The following CLIP1 variants were observed in gnomAD, a reference collection of about 807,000 sequenced individuals.
CLIP1 encodes the protein CAP-Gly domain containing linker protein 1.
Under a neutral mutation model 161.6 loss-of-function variants are expected in CLIP1, and 66 were observed. The ratio of observed to expected loss-of-function variants is 0.41; its 90% confidence interval spans 0.33 to 0.50. CLIP1 has a LOEUF of 0.50. CLIP1 is among the 20% of genes least tolerant of loss of function. The pLI is 0.27. For missense variants in CLIP1, 1,376 were observed against 1,702.0 expected, an observed-to-expected ratio of 0.81 and a Z score of 3.37; for synonymous variants, 598 against 626.2, an observed-to-expected ratio of 0.96 and a Z score of 0.67.
chr12:122,388,607 CA>C (rs1955438157), intron 1 of CLIP1, among the ~76,000 whole-genome samples: 1 of 152,174 alleles, frequency 6.6e-6, no homozygotes, highest in East Asian at 1.9e-4. Context: ...CTTGTTTTAT[CA>C]CCCAGATTAG....
intron 1 of CLIP1, among the ~76,000 whole-genome samples, chr12:122,419,220 C>CATT (rs1045363283): frequency 6.6e-6 from 1 of 151,390 alleles, no homozygotes; most frequent in African/African-American, 2.4e-5. Context: ...AAAATACAAA[C>CATT]ATTAGCCAGG....
chr12:122,417,664 C>T (rs1353584296), intron 1 of CLIP1, among the ~76,000 whole-genome samples: 1 of 151,878 alleles, frequency 6.6e-6, no homozygotes, highest in Non-Finnish European at 1.5e-5. Flanking sequence ...AGGCACCCGC[C>T]ACCAAGCCTG....
At chr12:122,350,497 T>C (rs1166446267) in intron 9 of CLIP1, among the ~76,000 whole-genome samples, 2 of 152,156 alleles carry the variant, frequency 1.3e-5, no homozygotes. Flanking sequence ...AACATGCTAT[T>C]GTCTTCATTG....
chr12:122,294,437 G>T (rs1950390378), intron 20 of CLIP1, among the ~76,000 whole-genome samples: 1 of 151,508 alleles, frequency 6.6e-6, no homozygotes, highest in African/African-American at 2.4e-5. Flanking sequence ...ATAACAACAT[G>T]GATAGACCTC....
At chr12:122,288,676 A>C in intron 20 of CLIP1, 135 bp from the exon 21 acceptor site, 1 of 667,886 alleles carries the variant, frequency 1.5e-6, no homozygotes, top group Non-Finnish European at 2.6e-6. Context: ...GAAGAGGGAC[A>C]AGTGGTCACT....
At chr12:122,315,038 C>T (rs970835140) in intron 19 of CLIP1, among the ~76,000 whole-genome samples, 1 of 152,140 alleles carries the variant, frequency 6.6e-6, no homozygotes, top group African/African-American at 2.4e-5. Context: ...AGAAAATCAC[C>T]GACATCACAA....
intron 17 of CLIP1, among the ~76,000 whole-genome samples, chr12:122,321,538 A>T (rs1461096714): frequency 1.4e-5 from 2 of 148,046 alleles, no homozygotes; most frequent in Non-Finnish European, 3.0e-5. Flanking sequence ...CTTTTTTTTT[A>T]GATGGGGTCT....
chr12:122,376,242 T>G (rs1215805370), intron 3 of CLIP1, among the ~76,000 whole-genome samples: 1 of 152,038 alleles, frequency 6.6e-6, no homozygotes, highest in Non-Finnish European at 1.5e-5. Context: ...CGGCCAATTA[T>G]TTTATTTTTT....
chr12:122,368,954 CA>C (rs1347247919), intron 3 of CLIP1, among the ~76,000 whole-genome samples: 1 of 150,226 alleles, frequency 6.7e-6, no homozygotes, highest in African/African-American at 2.4e-5. Context: ...TTGCCAAATA[CA>C]AATGTAAGCC....
At chr12:122,320,265 CAAA>C (rs111643965) in intron 17 of CLIP1, among the ~76,000 whole-genome samples, 1 of 94,582 alleles carries the variant, frequency 1.1e-5, no homozygotes, top group Admixed American at 1.2e-4. Flanking sequence ...GACTCCGTCT[CAAA>C]AAAAAAAAAA....
intron 5 of CLIP1, among the ~76,000 whole-genome samples, chr12:122,359,774 C>A (rs74413105): frequency 6.6e-6 from 1 of 152,124 alleles, no homozygotes. Context: ...GAGCAGGCAC[C>A]GTGAGATCCT....
At chr12:122,283,860 G>A (rs1204519507) in intron 21 of CLIP1, among the ~76,000 whole-genome samples, 2 of 152,130 alleles carry the variant, frequency 1.3e-5, no homozygotes, top group African/African-American at 2.4e-5. Flanking sequence ...AACTATGTAC[G>A]TTTAATGATC....
chr12:122,277,278 T>C (rs978351286), intron 24 of CLIP1: 2 of 151,920 alleles, frequency 1.3e-5, no homozygotes, highest in Non-Finnish European at 2.9e-5. Flanking sequence ...AAAACTTTTT[T>C]TTAATTAAGT....
intron 1 of CLIP1, among the ~76,000 whole-genome samples, chr12:122,404,175 T>TG: frequency 6.6e-6 from 1 of 152,282 alleles, no homozygotes; most frequent in South Asian, 2.1e-4. Flanking sequence ...AAACACAGTT[T>TG]GGGGCGCAGG....
intron 1 of CLIP1, among the ~76,000 whole-genome samples, chr12:122,392,460 AAGAG>A (rs1463060971): frequency 2.0e-5 from 3 of 152,178 alleles, no homozygotes; most frequent in African/African-American, 7.2e-5. Flanking sequence ...CTTGTGGTAG[AAGAG>A]AGTGAGTGAG....
intron 1 of CLIP1, among the ~76,000 whole-genome samples, chr12:122,407,679 GTT>G (rs57963280): frequency 0.57 from 72,851 of 128,838 alleles, 21,165 homozygotes; most frequent in Non-Finnish European, 0.65. Context: ...GCCTGGATGA[GTT>G]TTTTTTTTTT....
chr12:122,390,172 G>GATATATACATAT (rs373020994), intron 1 of CLIP1, among the ~76,000 whole-genome samples: 2 of 93,536 alleles, frequency 2.1e-5, no homozygotes, highest in Non-Finnish European at 4.3e-5. Context: ...CACAGTCTCA[G>GATATATACATAT]ATATATATAT....
rs1950338943 is a variant in CLIP1, at chr12:122,293,517, T to C, written c.3595-4976A>G. Among the ~76,000 whole-genome samples, 4 of 152,142 alleles carry C rather than the reference T, an allele frequency of 2.6e-5. No homozygotes were observed. In the South Asian group the frequency reaches 6.2e-4, roughly 24 times the overall value. Reference sequence around the variant, plus strand: ...TTTTGAGACGGAGTTTCGCTCTTGTTGCCCACGCTGGATTGCAATGGCGCA... The same window carrying C: ...TTTTGAGACGGAGTTTCGCTCTTGTCGCCCACGCTGGATTGCAATGGCGCA... On this transcript the variant is annotated intron_variant, in intron 20 of 25. Transcript: ENST00000620786.
At chr12:122,420,461 T>C (rs2137249651) in intron 1 of CLIP1, among the ~76,000 whole-genome samples, 1 of 151,820 alleles carries the variant, frequency 6.6e-6, no homozygotes, top group Middle Eastern at 3.4e-3. Flanking sequence ...ATTGAAAAAA[T>C]AGGGAAGGGC....
Sources: allele counts gnomAD v4.1 joint callset (sites outside exome capture counted in the v4.1 genomes callset), GRCh38; gene constraint gnomAD v4.1.1; transcripts MANE v1.5; gene names NCBI Gene and HGNC (gene_info 2026-07-23, HGNC 2026-07-21).